The following PDK1 variants were observed in gnomAD, a reference collection of about 807,000 sequenced individuals.
PDK1 encodes the protein pyruvate dehydrogenase kinase 1.
A neutral mutation model predicts 54.2 loss-of-function variants in PDK1; 39 were observed. That is an observed-to-expected ratio of 0.72 (90% CI 0.56 to 0.94). The LOEUF is 0.94. Among genes scored for constraint, PDK1 ranks in the 40% least tolerant of loss-of-function variants. The pLI is 0.00. For missense variants in PDK1, 552 were observed against 566.0 expected, an observed-to-expected ratio of 0.98 and a Z score of 0.25; for synonymous variants, 221 against 207.1, an observed-to-expected ratio of 1.07 and a Z score of -0.58.
At chr2:172,621,631 A>G in the PDK1 span, among the ~76,000 whole-genome samples, 1 of 144,164 alleles carries the variant, frequency 6.9e-6, no homozygotes, top group Non-Finnish European at 1.5e-5. Context: ...TTTATATATC[A>G]TATGTTTATA....
chr2:172,676,919 G>A, the PDK1 span, among the ~76,000 whole-genome samples: 2 of 152,148 alleles, frequency 1.3e-5, no homozygotes, highest in East Asian at 1.9e-4. Flanking sequence ...ATCCTGATCA[G>A]TCAGCAGCCA....
At chr2:172,631,414 TCTC>T in the PDK1 span, among the ~76,000 whole-genome samples, 23 of 152,238 alleles carry the variant, frequency 1.5e-4, no homozygotes, top group Non-Finnish European at 2.4e-4. Flanking sequence ...GAACCAACCT[TCTC>T]TGCTTGTGCA....
chr2:172,657,201 T>C, the PDK1 span, among the ~76,000 whole-genome samples: 4 of 151,862 alleles, frequency 2.6e-5, no homozygotes, highest in Non-Finnish European at 5.9e-5. Context: ...TTATTATTAT[T>C]GTTAAATGGA....
the PDK1 span, among the ~76,000 whole-genome samples, chr2:172,636,775 C>G: frequency 1.3e-4 from 19 of 150,982 alleles, no homozygotes; most frequent in Admixed American, 1.3e-3. Flanking sequence ...GGCACCAAGA[C>G]ATTCATGAGG....
the PDK1 span, among the ~76,000 whole-genome samples, chr2:172,661,779 C>A: frequency 6.6e-6 from 1 of 151,962 alleles, no homozygotes; most frequent in Non-Finnish European, 1.5e-5. Context: ...AAGATGGGAA[C>A]AATAAACAAT....
the PDK1 span, among the ~76,000 whole-genome samples, chr2:172,642,922 C>A: frequency 6.6e-6 from 1 of 152,088 alleles, no homozygotes; most frequent in Admixed American, 6.6e-5. Context: ...TTCTCCTACT[C>A]CTCCTTCTTC....
At chr2:172,572,656 C>T (rs907220736) in intron 8 of PDK1, among the ~76,000 whole-genome samples, 3 of 152,112 alleles carry the variant, frequency 2.0e-5, no homozygotes, top group African/African-American at 7.2e-5. Flanking sequence ...AACCCAGCAG[C>T]AGAGGGTGCG....
the PDK1 span, among the ~76,000 whole-genome samples, chr2:172,664,028 C>T: frequency 3.3e-5 from 5 of 150,336 alleles, no homozygotes; most frequent in Admixed American, 6.6e-5. Flanking sequence ...AAAGCATTGC[C>T]TTGCCAGGCG....
intron 10 of PDK1, among the ~76,000 whole-genome samples, chr2:172,595,414 C>G (rs1412436779): frequency 6.6e-6 from 1 of 152,126 alleles, no homozygotes; most frequent in Non-Finnish European, 1.5e-5. Flanking sequence ...CTGAAAAAAA[C>G]ACTATTTCTT....
upstream of PDK1, chr2:172,556,000 G>A (rs1395127360): frequency 6.1e-6 from 3 of 490,086 alleles, no homozygotes; most frequent in Non-Finnish European, 9.9e-6. Context: ...GCCCAGCGGC[G>A]CAGGGGGCCG....
chr2:172,584,830 GT>G (rs1273636309), intron 8 of PDK1, among the ~76,000 whole-genome samples: 3,374 of 116,450 alleles, frequency 0.029, 113 homozygotes, highest in East Asian at 0.28. Flanking sequence ...TAATTTTAAA[GT>G]TTTTTTTTTT....
At chr2:172,574,451 CAAA>C (rs558247001) in intron 8 of PDK1, among the ~76,000 whole-genome samples, 1 of 151,876 alleles carries the variant, frequency 6.6e-6, no homozygotes, top group Admixed American at 6.6e-5. Context: ...TCAATTTCTG[CAAA>C]AAAACAATGC....
At chr2:172,635,303 T>C in the PDK1 span, among the ~76,000 whole-genome samples, 1 of 152,162 alleles carries the variant, frequency 6.6e-6, no homozygotes, top group South Asian at 2.1e-4. Flanking sequence ...ACACGGCCAA[T>C]TGTATTAACT....
rs1041908111 is a variant in PDK1, at chr2:172,603,197, C to T, written c.*7228C>T. Reference sequence around the variant, plus strand: ...TTGTGAGATAAACTGCTTTTAGCAGCCCAAAGGGCCAGCTGGAAAGACGAG... The same window carrying T: ...TTGTGAGATAAACTGCTTTTAGCAGTCCAAAGGGCCAGCTGGAAAGACGAG... On this transcript the variant is annotated 3_prime_UTR_variant, in exon 11 of 11. Coordinates refer to ENST00000282077, the MANE Select transcript of PDK1 (RefSeq NM_002610.5). 6.6e-6 allele frequency: 1 copy of T among 152,138 alleles called. No individual in the cohort carries two copies. Among genetic ancestry groups the T allele is most frequent in the African/African-American group, 2.4e-5 (1 of 41,446 alleles). 9.4% of individuals were successfully genotyped at this position (152,138 alleles called of 1,614,324 possible). A position where few individuals can be genotyped will look rare whatever the true frequency, so the allele number is the denominator to read the frequency against.
Position 172,558,735 on chromosome 2 carries a change from C to T in PDK1, c.224C>T (p.Ser75Leu), listed in dbSNP as rs1178186075. The T allele has an allele frequency of 6.2e-7, 1 of 1,610,268 alleles. No individual in the cohort carries two copies. Among genetic ancestry groups the T allele is most frequent in the Non-Finnish European group, 8.5e-7 (1 of 1,178,890 alleles). The change falls in exon 2 of 11, where the codon TCA becomes TTA. Residue 75 changes from serine to leucine, a missense_variant. Ser to Leu is a moderately radical substitution (Grantham distance 145). Transcript: ENST00000282077. ...FGSVNACEKT[S>L]FMFLRQELPV... ...TCAGTGAATGCTTGTGAAAAGACCT[C>T]ATTTATGTTTCTGCGGCAAGAGTTG...
At chr2:172,677,907 G>T in the PDK1 span, among the ~76,000 whole-genome samples, 8,520 of 152,240 alleles carry the variant, frequency 0.056, 994 homozygotes, top group East Asian at 0.53. Context: ...GGTAGCTCAC[G>T]CCTGTAATCC....
chr2:172,659,275 C>T, the PDK1 span, among the ~76,000 whole-genome samples: 1 of 152,196 alleles, frequency 6.6e-6, no homozygotes, highest in Non-Finnish European at 1.5e-5. Flanking sequence ...CACATCCAAA[C>T]TATAGCACAA....
chr2:172,680,178 T>G, the PDK1 span, among the ~76,000 whole-genome samples: 1 of 152,196 alleles, frequency 6.6e-6, no homozygotes, highest in Non-Finnish European at 1.5e-5. Flanking sequence ...TTTATCACAA[T>G]TGCATATTAG....
the PDK1 span, among the ~76,000 whole-genome samples, chr2:172,705,481 C>G: frequency 1.4e-4 from 21 of 152,334 alleles, no homozygotes; most frequent in African/African-American, 3.8e-4. Flanking sequence ...TTACTGTCAC[C>G]TAAGTACAGG....
Sources: allele counts gnomAD v4.1 joint callset (sites outside exome capture counted in the v4.1 genomes callset), GRCh38; gene constraint gnomAD v4.1.1; transcripts MANE v1.5; gene names NCBI Gene and HGNC (gene_info 2026-07-23, HGNC 2026-07-21).